MYO1H: variants seen among roughly 807,000 people sequenced by gnomAD.
MYO1H encodes unconventional myosin-Ih.
In MYO1H, 118 loss-of-function variants were observed where a neutral mutation model predicts 149.3. The observed-to-expected ratio is 0.79, with a 90% CI of 0.68 to 0.92. The LOEUF (loss-of-function observed/expected upper bound fraction) is 0.92, where lower values mean the gene tolerates loss of function less well. MYO1H is among the 40% of genes least tolerant of loss of function. MYO1H has a pLI of 0.00. For missense variants in MYO1H, 1,212 were observed against 1,280.7 expected (o/e 0.95, Z 0.82); for synonymous variants, 447 against 465.2 (o/e 0.96, Z 0.50).
exon 6 of MYO1H, chr12:109,401,227 C>T: frequency 6.2e-7 from 1 of 1,613,680 alleles, no homozygotes; most frequent in African/African-American, 1.3e-5. Context: ...GCCTGTCTTA[C>T]CTGGGACTCG....
At chr12:109,346,501 C>T (rs1232593898), upstream of MYO1H, among the ~76,000 whole-genome samples, 1 of 152,214 alleles carries the variant, frequency 6.6e-6, no homozygotes, top group African/African-American at 2.4e-5. Flanking sequence ...TGGCCCACAC[C>T]TGTAATTCCA....
chr12:109,391,798 A>G (rs766002231), intron 2 of MYO1H, among the ~76,000 whole-genome samples: 1 of 151,870 alleles, frequency 6.6e-6, no homozygotes, highest in Non-Finnish European at 1.5e-5. Context: ...TTGGATTTGC[A>G]TTTCTGTAAT....
intron 9 of MYO1H, among the ~76,000 whole-genome samples, chr12:109,407,422 C>CAT (rs551306282): frequency 6.6e-6 from 1 of 151,926 alleles, no homozygotes; most frequent in African/African-American, 2.4e-5. Context: ...TCATATGAAC[C>CAT]AAAGACAAGA....
intron 4 of MYO1H, among the ~76,000 whole-genome samples, chr12:109,397,307 T>A (rs1262028955): frequency 6.6e-6 from 1 of 152,184 alleles, no homozygotes; most frequent in Non-Finnish European, 1.5e-5. Flanking sequence ...CATTTTCTCC[T>A]GTGTTTTTGT....
At chr12:109,429,506 G>T (rs1871519968) in intron 19 of MYO1H, among the ~76,000 whole-genome samples, 1 of 152,162 alleles carries the variant, frequency 6.6e-6, no homozygotes, top group Admixed American at 6.6e-5. Context: ...TATTTACATA[G>T]TATTAGGTAT....
chr12:109,403,599 A>G (rs940637771), intron 6 of MYO1H, among the ~76,000 whole-genome samples: 3 of 152,192 alleles, frequency 2.0e-5, no homozygotes, highest in East Asian at 1.9e-4. Context: ...GGCAATCTCT[A>G]AGTGAGTCAG....
At chr12:109,400,736 T>C (rs1010728719) in intron 5 of MYO1H, among the ~76,000 whole-genome samples, 65 of 152,298 alleles carry the variant, frequency 4.3e-4, no homozygotes, top group African/African-American at 1.5e-3. Context: ...AGAGAAAAGA[T>C]CATCTTTCCA....
At chr12:109,433,592 C>T (rs1871732658) in intron 20 of MYO1H, among the ~76,000 whole-genome samples, 1 of 152,288 alleles carries the variant, frequency 6.6e-6, no homozygotes. Flanking sequence ...ATCTATTCCC[C>T]GACAGCAGGG....
At chr12:109,395,422 A>G (rs560033416) in intron 3 of MYO1H, among the ~76,000 whole-genome samples, 1 of 152,320 alleles carries the variant, frequency 6.6e-6, no homozygotes, top group African/African-American at 2.4e-5. Flanking sequence ...GATTAAAAAC[A>G]TAAATTTGGT....
chr12:109,417,071 C>T (rs1005621881), intron 15 of MYO1H, among the ~76,000 whole-genome samples: 2 of 148,306 alleles, frequency 1.3e-5, no homozygotes, highest in Non-Finnish European at 3.0e-5. Flanking sequence ...CTTGGGAGGC[C>T]GAGGCAGGAG....
intron 3 of MYO1H, among the ~76,000 whole-genome samples, chr12:109,393,917 G>T (rs1378502677): frequency 6.9e-6 from 1 of 144,318 alleles, no homozygotes; most frequent in Non-Finnish European, 1.5e-5. Context: ...GAAGAGGGTT[G>T]CTATAGTGCC....
chr12:109,355,690 TGTTTG>T (rs908047208), intron 1 of MYO1H, among the ~76,000 whole-genome samples: 1 of 151,530 alleles, frequency 6.6e-6, no homozygotes, highest in Non-Finnish European at 1.5e-5. Context: ...TGTTTTGTTT[TGTTTG>T]GTTTGGTTTT....
intron 23 of MYO1H, among the ~76,000 whole-genome samples, chr12:109,439,022 G>A (rs1278635850): frequency 6.6e-6 from 1 of 152,104 alleles, no homozygotes; most frequent in East Asian, 1.9e-4. Flanking sequence ...GTAGCCAGAT[G>A]GCTTGAATTT....
the MYO1H span, among the ~76,000 whole-genome samples, chr12:109,316,097 G>A: frequency 7.9e-6 from 1 of 126,434 alleles, no homozygotes; most frequent in South Asian, 2.6e-4. Context: ...AAAAATAAGA[G>A]TGTTACATGA....
At chr12:109,435,965 G>T (rs1871839862) in intron 21 of MYO1H, among the ~76,000 whole-genome samples, 1 of 152,198 alleles carries the variant, frequency 6.6e-6, no homozygotes, top group Admixed American at 6.5e-5. Flanking sequence ...GGATGTGGCT[G>T]CTCTGCAAGG....
At chr12:109,386,996 G>A (rs1189965085) in intron 1 of MYO1H, among the ~76,000 whole-genome samples, 6 of 3,682 alleles carry the variant, frequency 1.6e-3, no homozygotes, top group African/African-American at 3.2e-3. Flanking sequence ...TCTCAAGTTC[G>A]TGTGTGTGTG....
chr12:109,410,985 T>C (rs910693218), intron 13 of MYO1H, among the ~76,000 whole-genome samples: 2 of 151,956 alleles, frequency 1.3e-5, no homozygotes, highest in Non-Finnish European at 2.9e-5. Context: ...CTACTAAAAA[T>C]ACAAAAATTA....
intron 4 of MYO1H, 74 bp from the exon 5 acceptor site, chr12:109,397,658 T>C (rs1869970841): frequency 8.6e-7 from 1 of 1,169,470 alleles, no homozygotes; most frequent in Non-Finnish European, 1.2e-6. Context: ...TTGTAATAAG[T>C]GTATTATTTG....
intron 10 of MYO1H, 76 bp downstream of exon 10, chr12:109,407,989 T>C (rs950463682): frequency 6.3e-7 from 1 of 1,597,552 alleles, no homozygotes; most frequent in Non-Finnish European, 8.6e-7. Flanking sequence ...TTTAAAGAAT[T>C]TGGGAGGGAG....
Sources: gnomAD v4.1 joint callset for allele counts (sites outside exome capture counted in the v4.1 genomes callset) on GRCh38, gnomAD v4.1.1 for gene constraint, MANE v1.5 for transcripts, NCBI Gene and HGNC (gene_info 2026-07-23, HGNC 2026-07-21) for gene names.